PNPLA7: variants seen among roughly 807,000 people sequenced by gnomAD.
PNPLA7 encodes the protein patatin like domain 7, lysophospholipase.
Under a neutral mutation model 161.7 loss-of-function variants are expected in PNPLA7, and 153 were observed. The observed-to-expected ratio is 0.95, with a 90% CI of 0.83 to 1.08. The LOEUF is 1.08. Among genes scored for constraint, PNPLA7 ranks in the 50% least tolerant of loss-of-function variants. The pLI is 0.00. For missense variants in PNPLA7, 1,739 were observed against 1,856.6 expected (o/e 0.94, Z 1.16); for synonymous variants, 809 against 782.1 (o/e 1.03, Z -0.57).
Position 137,500,590 on chromosome 9 carries a change from G to C in PNPLA7, c.1757+101C>G. 9.1e-7 allele frequency: 1 copy of C among 1,104,410 alleles called. No individual in the cohort carries two copies. The highest frequency in any genetic ancestry group is 2.3e-5 in the Admixed American group (1 of 43,268). 68.4% of individuals were successfully genotyped at this position (1,104,410 alleles called of 1,614,324 possible). On this transcript the variant is annotated intron_variant, in intron 16 of 34. Coordinates refer to ENST00000406427, the MANE Select transcript of PNPLA7 (RefSeq NM_001098537.3). This position sits in a 1 kb window ranked among gnomAD's most constrained non-coding sequence, Gnocchi z 5.5. ...CAAAGAGGGGAGCCCGAGAAGCAGG[G>C]AAGAGGGTGAGAGCACCAGGAAGAG...
At chr9:137,472,078 GGC>G (rs1831733106) in intron 25 of PNPLA7, among the ~76,000 whole-genome samples, 2 of 151,448 alleles carry the variant, frequency 1.3e-5, no homozygotes. Flanking sequence ...CAGGGCCACT[GGC>G]ACTAAGGATA....
In PNPLA7 at chr9:137,550,352, A is replaced by C. The variant is rs1281567388; in HGVS notation, c.-155T>G. ...CACTGAAAGGAAAATCCTGCTGAAA[A>C]AGTCTGTTCTCCAGGAAGAAAAGCT... On this transcript the variant is annotated 5_prime_UTR_variant, in exon 1 of 35. Coordinates refer to ENST00000406427, the MANE Select transcript of PNPLA7 (RefSeq NM_001098537.3). 7.4e-6 allele frequency: 6 copies of C among 812,418 alleles called. No homozygotes were observed. The highest frequency in any genetic ancestry group is 4.5e-4 in the Middle Eastern group (2 of 4,440). The allele number at this position is 812,418 out of a possible 1,614,324, so 50.3% of individuals were successfully genotyped here.
Position 137,541,720 on chromosome 9 carries a change from T to C in PNPLA7, c.666+922A>G, listed in dbSNP as rs866340921. ...CCCAGCACCCACCCCCGAGCAGCGA[T>C]TCAAAGGGTGGAATTTAACAGAGGC... On this transcript the variant is annotated intron_variant, in intron 7 of 34. Coordinates refer to ENST00000406427, the MANE Select transcript of PNPLA7 (RefSeq NM_001098537.3). The surrounding 1 kb of genome is among the most constrained non-coding windows in gnomAD (Gnocchi z 4.4). Among the ~76,000 whole-genome samples, 22 of 152,098 alleles carry C rather than the reference T, an allele frequency of 1.4e-4. No individual in the cohort carries two copies. The highest frequency in any genetic ancestry group is 5.1e-4 in the African/African-American group (21 of 41,478).
chr9:137,520,175 G>A lies in PNPLA7; in HGVS notation c.958-132C>T. 2 of 1,323,958 alleles carry A rather than the reference G, an allele frequency of 1.5e-6. No homozygotes were observed. Among genetic ancestry groups the A allele is most frequent in the East Asian group, 4.7e-5 (2 of 42,928 alleles). The allele number at this position is 1,323,958 out of a possible 1,614,324, so 82.0% of individuals were successfully genotyped here. On this transcript the variant is annotated intron_variant, in intron 10 of 34. Coordinates refer to ENST00000406427, the MANE Select transcript of PNPLA7 (RefSeq NM_001098537.3). This position sits in a 1 kb window ranked among gnomAD's most constrained non-coding sequence, Gnocchi z 5.2. ...ACAGGTGTGGGCCCCTCAAAGGTGT[G>A]ACAGGTGTGGGACTCTCAAAGGTGT...
chr9:137,460,527 T>A (rs779068719), intron 34 of PNPLA7, 51 bp from the exon 35 acceptor site: 21 of 1,605,584 alleles, frequency 1.3e-5, no homozygotes, highest in Non-Finnish European at 1.8e-5. Flanking sequence ...GCAGGGGCTC[T>A]GCAGCGCTGG....
At chr9:137,484,140 T>C (rs1832353005) in intron 21 of PNPLA7, among the ~76,000 whole-genome samples, 1 of 151,880 alleles carries the variant, frequency 6.6e-6, no homozygotes, top group African/African-American at 2.4e-5. Context: ...TTTACCATGT[T>C]GGCCAGGCTG....
intron 8 of PNPLA7, among the ~76,000 whole-genome samples, chr9:137,539,689 C>T (rs1292845336): frequency 1.3e-5 from 2 of 152,206 alleles, no homozygotes; most frequent in East Asian, 3.8e-4. Context: ...TAATGTTGGG[C>T]ACATGGGGTG....
Position 137,540,964 on chromosome 9 carries a change from T to C in PNPLA7, c.667-242A>G, listed in dbSNP as rs1487038366. The C allele has an allele frequency of 4.2e-6, 2 of 476,726 alleles. No homozygotes were observed. The highest frequency in any genetic ancestry group is 2.0e-5 in the African/African-American group (1 of 51,228). 29.5% of individuals were successfully genotyped at this position (476,726 alleles called of 1,614,324 possible). On this transcript the variant is annotated intron_variant, in intron 7 of 34. Coordinates refer to ENST00000406427, the MANE Select transcript of PNPLA7 (RefSeq NM_001098537.3). This position sits in a 1 kb window ranked among gnomAD's most constrained non-coding sequence, Gnocchi z 5.1. ...GAGGAGACCCCACCTCTCCATCCCATGACTCGTCTTCAATGTGGGGACTGA... is the reference window on the plus strand; with the variant it reads ...GAGGAGACCCCACCTCTCCATCCCACGACTCGTCTTCAATGTGGGGACTGA...
Position 137,500,970 on chromosome 9 carries a change from G to C in PNPLA7, c.1552-74C>G. The C allele has an allele frequency of 7.3e-7, 1 of 1,365,314 alleles. No individual in the cohort carries two copies. Among genetic ancestry groups the C allele is most frequent in the Non-Finnish European group, 9.9e-7 (1 of 1,005,388 alleles). The allele number at this position is 1,365,314 out of a possible 1,614,324, so 84.6% of individuals were successfully genotyped here. A position where few individuals can be genotyped will look rare whatever the true frequency, so the allele number is the denominator to read the frequency against. ...ACGGGGGCAGCTCTGGGCCCAGAGC[G>C]GACGATGCCACCAGGCTCAGCCGGG... On this transcript the variant is annotated intron_variant, in intron 15 of 34. Transcript: ENST00000406427. This position sits in a 1 kb window ranked among gnomAD's most constrained non-coding sequence, Gnocchi z 5.5.
In PNPLA7 at chr9:137,476,263, A is replaced by G. The variant is rs953893639; in HGVS notation, c.2882+1771T>C. 6.6e-6 allele frequency among the ~76,000 whole-genome samples: 1 copy of G among 152,170 alleles called. No homozygotes were observed. The highest frequency in any genetic ancestry group is 2.4e-5 in the African/African-American group (1 of 41,434). On this transcript the variant is annotated intron_variant, in intron 25 of 34. Transcript: ENST00000406427. The surrounding 1 kb of genome is among the most constrained non-coding windows in gnomAD (Gnocchi z 4.5). ...TAAGGATACCCAGAAAACTGAACAAATGTGACAATTATTAACTCCAAGGAA... is the reference window on the plus strand; with the variant it reads ...TAAGGATACCCAGAAAACTGAACAAGTGTGACAATTATTAACTCCAAGGAA...
chr9:137,477,861 A>G lies in PNPLA7; in HGVS notation c.2882+173T>C, dbSNP rs532989709. On this transcript the variant is annotated intron_variant, in intron 25 of 34. Coordinates refer to ENST00000406427, the MANE Select transcript of PNPLA7 (RefSeq NM_001098537.3). ...GCACACCGCATGTGCCAGGGTCTGC[A>G]GGGCCTGCTCAGAGGACAGGCCGGG... is the stretch of plus-strand genomic sequence containing the variant. Among the ~76,000 whole-genome samples, 4 of 152,336 alleles carry G rather than the reference A, an allele frequency of 2.6e-5. No homozygotes were observed. In the South Asian group the frequency reaches 8.3e-4, roughly 32 times the overall value.
chr9:137,546,774 C>A, intron 4 of PNPLA7, 56 bp downstream of exon 4: 1 of 1,559,060 alleles, frequency 6.4e-7, no homozygotes. Flanking sequence ...GGGTCCCTCC[C>A]ACAGGGGCCT....
At chr9:137,502,267 C>T (rs1271661862) in intron 14 of PNPLA7, among the ~76,000 whole-genome samples, 1 of 152,094 alleles carries the variant, frequency 6.6e-6, no homozygotes, top group Non-Finnish European at 1.5e-5. Flanking sequence ...TCTGCGGGCA[C>T]CACACCCACG....
Position 137,460,209 on chromosome 9 carries a change from G to A in PNPLA7, c.*184C>T. 1.7e-6 allele frequency: 1 copy of A among 572,340 alleles called. No homozygotes were observed. The highest frequency in any genetic ancestry group is 3.1e-6 in the Non-Finnish European group (1 of 322,826). 35.5% of individuals were successfully genotyped at this position (572,340 alleles called of 1,614,324 possible). ...CACAGGACTGCAGGGGGGCTCACAGGGCCCTGTATGCAGGGCTGCTGGTAC... is the reference window on the plus strand; with the variant it reads ...CACAGGACTGCAGGGGGGCTCACAGAGCCCTGTATGCAGGGCTGCTGGTAC... On this transcript the variant is annotated 3_prime_UTR_variant, in exon 35 of 35. Transcript: ENST00000406427.
intron 8 of PNPLA7, among the ~76,000 whole-genome samples, chr9:137,538,914 T>TC (rs1836035105): frequency 6.6e-6 from 1 of 152,062 alleles, no homozygotes; most frequent in South Asian, 2.1e-4. Flanking sequence ...TAGCCAGGTG[T>TC]GATGGCACAT....
chr9:137,486,085 C>G lies in PNPLA7; in HGVS notation c.2198-1349G>C, dbSNP rs1832467289. ...CCTCTGCAGTCCCCGTGGCCCAGCC[C>G]TCTCACAGGCTGTCCCCTGGCCTAT... On this transcript the variant is annotated intron_variant, in intron 20 of 34. Coordinates refer to ENST00000406427, the MANE Select transcript of PNPLA7 (RefSeq NM_001098537.3). The surrounding 1 kb of genome is among the most constrained non-coding windows in gnomAD (Gnocchi z 6.0). Among the ~76,000 whole-genome samples the G allele has an allele frequency of 6.6e-6, 1 of 152,016 alleles. No individual in the cohort carries two copies.
chr9:137,498,317 G>A (rs1045430469), intron 16 of PNPLA7, 72 bp from the exon 17 acceptor site: 33 of 1,574,108 alleles, frequency 2.1e-5, no homozygotes, highest in African/African-American at 5.4e-5. Context: ...CGCAGTGCTC[G>A]GGAATGGATG....
rs904556651 is a variant in PNPLA7, at chr9:137,480,041, G to T, written c.2580+271C>A. Among the ~76,000 whole-genome samples the T allele has an allele frequency of 6.6e-5, 10 of 152,224 alleles. 1 individual carries two copies. The South Asian group carries it at 1.2e-3, about 19-fold the overall frequency. The stretch of plus-strand genomic sequence containing the variant: ...ACGTAAAAGGTTAGTCCTGGAAAAG[G>T]CTTCCCGCACCTGCTGTAAAAGTGC... On this transcript the variant is annotated intron_variant, in intron 23 of 34. Coordinates refer to ENST00000406427, the MANE Select transcript of PNPLA7 (RefSeq NM_001098537.3).
chr9:137,493,835 C>A (rs1218469553), intron 19 of PNPLA7, among the ~76,000 whole-genome samples: 1 of 152,250 alleles, frequency 6.6e-6, no homozygotes, highest in Admixed American at 6.5e-5. Context: ...AGCCTGCTGG[C>A]CCTGTGAGCT....
Sources: allele counts gnomAD v4.1 joint callset (sites outside exome capture counted in the v4.1 genomes callset), GRCh38; gene constraint gnomAD v4.1.1; non-coding constraint Gnocchi (gnomAD v3.1); transcripts MANE v1.5; gene names NCBI Gene and HGNC (gene_info 2026-07-23, HGNC 2026-07-21).